PHKA2: variants seen among roughly 807,000 people sequenced by gnomAD.
PHKA2 encodes phosphorylase kinase regulatory subunit alpha 2.
A neutral mutation model predicts 102.0 loss-of-function variants in PHKA2; 31 were observed. The observed-to-expected ratio is 0.30, with a 90% CI of 0.23 to 0.41. The LOEUF is 0.41. PHKA2 is among the 10% of genes least tolerant of loss of function. PHKA2 has a pLI of 1.00. For synonymous variants in PHKA2, 455 were observed against 416.2 expected, an observed-to-expected ratio of 1.09 and a Z score of -1.13; for missense variants, 858 against 1,023.1, an observed-to-expected ratio of 0.84 and a Z score of 2.20.
Position 18,977,856 on chromosome X carries a change from T to A in PHKA2, c.78+5999A>T, listed in dbSNP as rs111890864. Among the ~76,000 whole-genome samples, 559 of 112,148 alleles carry A rather than the reference T, an allele frequency of 5.0e-3. 5 individuals carry two copies. Among genetic ancestry groups the A allele is most frequent in the African/African-American group, 0.017 (521 of 30,885 alleles). ...ATGACACACACCTTTTAAAAAGTTTTAAAAAAATAATTTCTATTACCTGGG... is the reference window on the plus strand; with the variant it reads ...ATGACACACACCTTTTAAAAAGTTTAAAAAAAATAATTTCTATTACCTGGG... On this transcript the variant is annotated intron_variant, in intron 1 of 32. Transcript: ENST00000379942.
chrX:18,944,365 A>G (rs761100534), intron 6 of PHKA2, among the ~76,000 whole-genome samples: 4 of 111,905 alleles, frequency 3.6e-5, no homozygotes, highest in Admixed American at 1.9e-4. Context: ...TCTTTTAGTA[A>G]TAAGTACACT....
intron 6 of PHKA2, among the ~76,000 whole-genome samples, chrX:18,944,374 C>T (rs2048543727): frequency 9.0e-6 from 1 of 111,641 alleles, no homozygotes; most frequent in Non-Finnish European, 1.9e-5. Flanking sequence ...AATAAGTACA[C>T]TTTCTGTCTG....
intron 26 of PHKA2, among the ~76,000 whole-genome samples, chrX:18,903,201 C>G (rs1207291938): frequency 8.9e-6 from 1 of 112,696 alleles, no homozygotes; most frequent in Non-Finnish European, 1.9e-5. Context: ...ATGTCTCTCC[C>G]TGGCATTAAA....
rs111768811 is a variant in PHKA2, at chrX:18,969,384, G to A, written c.78+14471C>T. ...AATGATTTTCCTAGAAGCAGCCATC[G>A]TACTTCGGTGTGCAGCGGAAGTGCT... On this transcript the variant is annotated intron_variant, in intron 1 of 32. Transcript: ENST00000379942. 6.0e-3 allele frequency among the ~76,000 whole-genome samples: 669 copies of A among 111,639 alleles called. 6 individuals carry two copies. Among genetic ancestry groups the A allele is most frequent in the African/African-American group, 0.02 (625 of 30,751 alleles).
intron 1 of PHKA2, among the ~76,000 whole-genome samples, chrX:18,975,552 A>G: frequency 8.9e-6 from 1 of 112,272 alleles, no homozygotes; most frequent in Middle Eastern, 4.6e-3. Flanking sequence ...ACAAAACTCT[A>G]TCTTCCACCC....
intron 1 of PHKA2, among the ~76,000 whole-genome samples, chrX:18,967,861 T>G (rs1235157630): frequency 9.0e-6 from 1 of 111,022 alleles, no homozygotes; most frequent in Non-Finnish European, 1.9e-5. Flanking sequence ...TGGTCTTCTC[T>G]AATGGTTCAC....
rs1231735011 is a variant in PHKA2, at chrX:18,905,780, T to C, written c.2886A>G (p.Lys962=). The part of the protein sequence containing the change: ...KNLLHHILSG[K]EFGVERSVRP... ...TACCACTTCTTTCAACGCCAAACTC[T>C]TTCCCACTTAGAATATGGTGCAGGA... The change falls in exon 26 of 33, where the codon AAA becomes AAG. Residue 962 remains lysine, a synonymous_variant. Transcript: ENST00000379942. The C allele has an allele frequency of 1.7e-6, 2 of 1,205,309 alleles. No homozygotes were observed. Among genetic ancestry groups the C allele is most frequent in the Admixed American group, 4.3e-5 (2 of 46,116 alleles).
At chrX:18,907,343 C>T (rs1005014033) in intron 22 of PHKA2, among the ~76,000 whole-genome samples, 2 of 112,431 alleles carry the variant, frequency 1.8e-5, no homozygotes, top group African/African-American at 3.2e-5. Flanking sequence ...CCGAAGGGCC[C>T]GTCAGTGGGC....
At chrX:18,972,548 T>C (rs1023641732) in intron 1 of PHKA2, among the ~76,000 whole-genome samples, 2 of 112,317 alleles carry the variant, frequency 1.8e-5, no homozygotes, top group Non-Finnish European at 3.8e-5. Context: ...ATATTTGTCT[T>C]CTTTTATGTC....
At position 18,906,736 on chromosome X, in the gene PHKA2, C is replaced by T. The variant is rs1164272619; in HGVS notation, c.2676G>A (p.Gln892=). 8.3e-7 allele frequency: 1 copy of T among 1,210,146 alleles called. No homozygotes were observed. Among genetic ancestry groups the T allele is most frequent in the African/African-American group, 1.7e-5 (1 of 57,874 alleles). The change falls in exon 24 of 33, where the codon CAG becomes CAA. Residue 892 remains glutamine (Q), a splice_region_variant and synonymous_variant. Coordinates refer to ENST00000379942, the MANE Select transcript of PHKA2 (RefSeq NM_000292.3). The part of the protein sequence containing the change: ...GQDISIAVLT[Q]EIVVYLAMYV... The stretch of plus-strand genomic sequence containing the variant: ...GACCCCTCCCACACCAGCCCCAGAC[C>T]TGCGTGAGGACGGCAATGCTGATGT...
At chrX:18,897,045 G>A (rs928279393) in intron 30 of PHKA2, 118 bp downstream of exon 30, 16 of 843,979 alleles carry the variant, frequency 1.9e-5, no homozygotes, top group Admixed American at 6.6e-5. Flanking sequence ...TGCCAACAGC[G>A]CTGAGGCAGA....
At chrX:18,955,895 A>G (rs2048766595) in intron 1 of PHKA2, among the ~76,000 whole-genome samples, 1 of 112,597 alleles carries the variant, frequency 8.9e-6, no homozygotes, top group Non-Finnish European at 1.9e-5. Context: ...CATTCTATAT[A>G]TTGACATGGT....
At chrX:18,973,361 A>G (rs2049042217) in intron 1 of PHKA2, among the ~76,000 whole-genome samples, 1 of 112,015 alleles carries the variant, frequency 8.9e-6, no homozygotes, top group Non-Finnish European at 1.9e-5. Context: ...ATGCTTTTCT[A>G]TATCTATTGA....
rs112177863 is a variant in PHKA2 at position 18,948,105 on chromosome X, C to T, written c.537+639G>A. On this transcript the variant is annotated intron_variant, in intron 5 of 32. Transcript: ENST00000379942. Reference sequence around the variant, plus strand: ...AATCTCACAAATCACCACTAAAGGACTTTAATGTAACCAAACAGCACCTGT... The same window carrying T: ...AATCTCACAAATCACCACTAAAGGATTTTAATGTAACCAAACAGCACCTGT... Among the ~76,000 whole-genome samples, 606 of 111,555 alleles carry T rather than the reference C, an allele frequency of 5.4e-3. 2 individuals carry two copies. The highest frequency in any genetic ancestry group is 0.019 in the African/African-American group (577 of 30,655).
chrX:18,980,278 A>G (rs2049152090), intron 1 of PHKA2, among the ~76,000 whole-genome samples: 1 of 112,761 alleles, frequency 8.9e-6, no homozygotes, highest in Non-Finnish European at 1.9e-5. Flanking sequence ...AAGACCTGAC[A>G]GTCCTCCAGC....
chrX:18,975,272 C>T (rs960114383), intron 1 of PHKA2, among the ~76,000 whole-genome samples: 2 of 111,558 alleles, frequency 1.8e-5, no homozygotes, highest in Non-Finnish European at 3.8e-5. Context: ...CCATGCTGTT[C>T]TCGTGATAGC....
chrX:18,954,621 A>G (rs1241031876), intron 1 of PHKA2, among the ~76,000 whole-genome samples: 1 of 112,618 alleles, frequency 8.9e-6, no homozygotes, highest in African/African-American at 3.2e-5. Flanking sequence ...TATAATGAGG[A>G]TATGTGACTA....
intron 17 of PHKA2, among the ~76,000 whole-genome samples, chrX:18,922,381 G>T (rs1487330567): frequency 1.8e-5 from 2 of 112,272 alleles, no homozygotes; most frequent in East Asian, 5.5e-4. Flanking sequence ...GCAGATTGCT[G>T]GTATGGCACT....
rs951845417 is a variant in PHKA2, at chrX:18,947,982, G to C, written c.537+762C>G. Among the ~76,000 whole-genome samples the C allele has an allele frequency of 2.7e-5, 3 of 111,181 alleles. No homozygotes were observed. In the Admixed American group the frequency reaches 2.9e-4, roughly 11 times the overall value. On this transcript the variant is annotated intron_variant, in intron 5 of 32. Coordinates refer to ENST00000379942, the MANE Select transcript of PHKA2 (RefSeq NM_000292.3). ...GCAAAGGGATAAGAATGACACAGCG[G>C]ACTGTGGGGACTCAGGGGGAAAGTG...
Sources: allele counts gnomAD v4.1 joint callset (sites outside exome capture counted in the v4.1 genomes callset), GRCh38; gene constraint gnomAD v4.1.1; transcripts MANE v1.5; gene names NCBI Gene and HGNC (gene_info 2026-07-23, HGNC 2026-07-21).